Variants in PPCDC observed in about 807,000 individuals in gnomAD.
The protein encoded by PPCDC is phosphopantothenoylcysteine decarboxylase.
Under a neutral mutation model 20.7 loss-of-function variants are expected in PPCDC, and 20 were observed. The ratio of observed to expected loss-of-function variants is 0.97; its 90% confidence interval spans 0.68 to 1.41. The LOEUF (loss-of-function observed/expected upper bound fraction) is 1.41, where lower values mean the gene tolerates loss of function less well. PPCDC is among the 40% of genes most tolerant of loss of function. PPCDC has a pLI of 0.00. For missense variants in PPCDC, 246 were observed against 263.8 expected, an observed-to-expected ratio of 0.93 and a Z score of 0.47; for synonymous variants, 88 against 100.3, an observed-to-expected ratio of 0.88 and a Z score of 0.73.
intron 2 of PPCDC, among the ~76,000 whole-genome samples, chr15:75,038,187 C>T (rs1595905972): frequency 6.6e-6 from 1 of 152,300 alleles, no homozygotes; most frequent in Non-Finnish European, 1.5e-5. Context: ...CATGTTATAG[C>T]CAGTGAAAGA....
In PPCDC at chr15:75,049,225, A is replaced by G. The variant is rs773972433; in HGVS notation, c.605A>G (p.Gln202Arg). 1 of 1,614,116 alleles carries G rather than the reference A, an allele frequency of 6.2e-7. No homozygotes were observed. Among genetic ancestry groups the G allele is most frequent in the South Asian group, 1.1e-5 (1 of 91,084 alleles). Residue 202 changes from glutamine (Q) to arginine (R), a missense_variant, in exon 6 of 6, where the codon CAG (glutamine) becomes CGG (arginine). By Grantham distance (43) the Gln-to-Arg change is conservative. Transcript: ENST00000342932. ...GTCCTCTTCCAGCACAGTGGCTTCCAGCAGAGTTGACCTGGGATTTCTGTC... is the reference window on the plus strand; with the variant it reads ...GTCCTCTTCCAGCACAGTGGCTTCCGGCAGAGTTGACCTGGGATTTCTGTC... ...KEVLFQHSGF[Q>R]QS
At chr15:75,036,054 G>A (rs1271720295) in intron 2 of PPCDC, among the ~76,000 whole-genome samples, 1 of 151,864 alleles carries the variant, frequency 6.6e-6, no homozygotes, top group Non-Finnish European at 1.5e-5. Context: ...GAATTCTGTA[G>A]CATATGGGGG....
intron 2 of PPCDC, 122 bp downstream of exon 2, chr15:75,028,575 G>A (rs1595897586): frequency 1.4e-6 from 2 of 1,386,192 alleles, no homozygotes; most frequent in East Asian, 4.8e-5. Context: ...AATCATGCTT[G>A]TGGAGGTCCT....
At chr15:75,038,587 G>A (rs899607601) in intron 2 of PPCDC, among the ~76,000 whole-genome samples, 4 of 152,148 alleles carry the variant, frequency 2.6e-5, no homozygotes, top group Admixed American at 2.6e-4. Flanking sequence ...GAGGGATGTG[G>A]CCACCAGAAG....
Position 75,048,738 on chromosome 15 carries a change from G to C in PPCDC, c.529+17G>C, listed in dbSNP as rs1317021913. 6.2e-7 allele frequency: 1 copy of C among 1,612,976 alleles called. No individual in the cohort carries two copies. Among genetic ancestry groups the C allele is most frequent in the African/African-American group, 1.3e-5 (1 of 75,054 alleles). On this transcript the variant is annotated intron_variant, in intron 5 of 5. Coordinates refer to ENST00000342932, the MANE Select transcript of PPCDC (RefSeq NM_021823.5). ...GAGATGAAGGTGGGTGTCTTGCCAG[G>C]CTTATAGCCCAGGGCTGTAGAAGGG...
chr15:75,041,470 A>G (rs984862714), intron 2 of PPCDC, among the ~76,000 whole-genome samples: 6 of 152,130 alleles, frequency 3.9e-5, no homozygotes, highest in Admixed American at 1.3e-4. Context: ...TCTCTACCGA[A>G]AATACAAAAA....
intron 2 of PPCDC, among the ~76,000 whole-genome samples, chr15:75,040,592 A>G (rs746078298): frequency 7.2e-5 from 11 of 152,162 alleles, no homozygotes; most frequent in Admixed American, 5.2e-4. Flanking sequence ...TATATTTACT[A>G]TAATTATTAT....
At chr15:75,044,615 C>T (rs556958185) in intron 4 of PPCDC, 101 bp downstream of exon 4, 65 of 1,466,576 alleles carry the variant, frequency 4.4e-5, no homozygotes, top group Admixed American at 6.4e-5. Context: ...TGTGGGGCCC[C>T]GGTCTGCCCA....
At chr15:75,025,737 T>C (rs2065952523) in intron 1 of PPCDC, among the ~76,000 whole-genome samples, 1 of 152,174 alleles carries the variant, frequency 6.6e-6, no homozygotes, top group African/African-American at 2.4e-5. Flanking sequence ...CAGCTACCTG[T>C]GCAAATAGGT....
At chr15:75,043,960 C>T (rs547857317) in intron 3 of PPCDC, among the ~76,000 whole-genome samples, 9 of 152,276 alleles carry the variant, frequency 5.9e-5, no homozygotes, top group Admixed American at 4.6e-4. Flanking sequence ...GTGTGGGCCT[C>T]ACAGGGGTTC....
At chr15:75,042,234 A>C (rs538956047) in intron 2 of PPCDC, among the ~76,000 whole-genome samples, 6 of 152,344 alleles carry the variant, frequency 3.9e-5, no homozygotes, top group South Asian at 4.1e-4. Flanking sequence ...ATAAATGTCC[A>C]GAGAAACAAA....
intron 2 of PPCDC, among the ~76,000 whole-genome samples, chr15:75,041,545 C>T (rs2066152757): frequency 6.6e-6 from 1 of 152,188 alleles, no homozygotes; most frequent in South Asian, 2.1e-4. Flanking sequence ...ATGGGAGGAT[C>T]ACCTGAGCCC....
chr15:75,036,228 A>G (rs1302733328), intron 2 of PPCDC, among the ~76,000 whole-genome samples: 2 of 152,218 alleles, frequency 1.3e-5, no homozygotes, highest in Non-Finnish European at 2.9e-5. Context: ...ATTATTTAGT[A>G]TCATAGAAGA....
chr15:75,027,022 A>G (rs773696161), intron 1 of PPCDC, among the ~76,000 whole-genome samples: 1 of 152,140 alleles, frequency 6.6e-6, no homozygotes, highest in Non-Finnish European at 1.5e-5. Flanking sequence ...GCACCTGTTC[A>G]GGACTGCCGG....
At chr15:75,045,550 G>A (rs1046438086) in intron 4 of PPCDC, among the ~76,000 whole-genome samples, 4 of 152,194 alleles carry the variant, frequency 2.6e-5, no homozygotes, top group African/African-American at 9.7e-5. Flanking sequence ...ATGAAGCTGG[G>A]ACAGGATGTT....
At chr15:75,044,644 A>G (rs1399228657) in intron 4 of PPCDC, 130 bp downstream of exon 4, 10 of 1,256,890 alleles carry the variant, frequency 8.0e-6, no homozygotes, top group Admixed American at 5.2e-5. Flanking sequence ...GTGCTCCGCC[A>G]TTCCCCACAT....
In PPCDC at chr15:75,029,366, G is replaced by C. The variant is rs772483942; in HGVS notation, c.135+913G>C. Among the ~76,000 whole-genome samples the C allele has an allele frequency of 5.7e-4, 86 of 152,098 alleles. 1 individual carries two copies. The highest frequency in any genetic ancestry group is 9.3e-4 in the Non-Finnish European group (63 of 68,010). On this transcript the variant is annotated intron_variant, in intron 2 of 5. Coordinates refer to ENST00000342932, the MANE Select transcript of PPCDC (RefSeq NM_021823.5). ...GTTACTGGCCCCTAGTTTTTGGTGG[G>C]GTCTTGTGAAGTTGCTGGGCCCCAG...
intron 2 of PPCDC, among the ~76,000 whole-genome samples, chr15:75,034,530 C>T (rs560453503): frequency 1.8e-4 from 27 of 152,320 alleles, no homozygotes; most frequent in African/African-American, 6.3e-4. Flanking sequence ...ACCTCCTTCA[C>T]AGCTCCCGCG....
At chr15:75,044,155 C>T (rs1414308201) in intron 3 of PPCDC, among the ~76,000 whole-genome samples, 2 of 151,492 alleles carry the variant, frequency 1.3e-5, no homozygotes, top group African/African-American at 2.4e-5. Flanking sequence ...AAAGCCAAAC[C>T]ATGAAGGGAA....
Sources: gnomAD v4.1 joint callset for allele counts (sites outside exome capture counted in the v4.1 genomes callset) on GRCh38, gnomAD v4.1.1 for gene constraint, MANE v1.5 for transcripts, NCBI Gene and HGNC (gene_info 2026-07-23, HGNC 2026-07-21) for gene names.